Variants in DOCK3 observed in about 807,000 individuals in gnomAD.
The protein encoded by DOCK3 is dedicator of cytokinesis protein 3.
In DOCK3, 60 loss-of-function variants were observed where a neutral mutation model predicts 265.6. The ratio of observed to expected loss-of-function variants is 0.23; its 90% CI spans 0.18 to 0.28. The LOEUF (loss-of-function observed/expected upper bound fraction) is 0.28. Ranked by LOEUF, DOCK3 falls within the 10% of genes least tolerant of loss-of-function variation. The probability of loss-of-function intolerance (pLI) is 1.00; values close to 1 mark genes in which losing one functional copy is unlikely to be tolerated. For missense variants in DOCK3, 1,981 were observed against 2,594.3 expected (o/e 0.76, Z 5.14); for synonymous variants, 881 against 938.0 (o/e 0.94, Z 1.11).
At chr3:50,852,326 C>T (rs1445537738) in intron 3 of DOCK3, among the ~76,000 whole-genome samples, 1 of 152,160 alleles carries the variant, frequency 6.6e-6, no homozygotes, top group African/African-American at 2.4e-5. Context: ...CTGAATTCTT[C>T]ATTCTAAATA....
intron 40 of DOCK3, among the ~76,000 whole-genome samples, chr3:51,350,786 T>TAC (rs2085924992): frequency 1.3e-5 from 2 of 152,230 alleles, no homozygotes; most frequent in South Asian, 4.1e-4. Context: ...GACTGGCCTC[T>TAC]TAGGGTTTGT....
chr3:51,138,046 G>A lies in DOCK3; in HGVS notation c.747-8503G>A, dbSNP rs1036199503. ...CAACTATGTTTCTACAGACTCCATT[G>A]CCTTACACAAAAGTGGGTTGTGGGG... On this transcript the variant is annotated intron_variant, in intron 9 of 52. Coordinates refer to ENST00000266037, the MANE Select transcript of DOCK3 (RefSeq NM_004947.5). Among the ~76,000 whole-genome samples the A allele has an allele frequency of 2.6e-5, 4 of 152,256 alleles. No individual in the cohort carries two copies. In the South Asian group the frequency reaches 8.3e-4, roughly 32 times the overall value.
At chr3:50,968,962 G>A (rs1203750964) in intron 5 of DOCK3, among the ~76,000 whole-genome samples, 1 of 152,150 alleles carries the variant, frequency 6.6e-6, no homozygotes, top group African/African-American at 2.4e-5. Context: ...TGTGGTTATT[G>A]GGTAGAGTGT....
At chr3:50,727,925 GT>G (rs1172524129) in intron 1 of DOCK3, among the ~76,000 whole-genome samples, 1 of 152,056 alleles carries the variant, frequency 6.6e-6, no homozygotes, top group Non-Finnish European at 1.5e-5. Context: ...TCTCAGTAAG[GT>G]TTTAGTAGAT....
chr3:51,011,487 G>A (rs985172398), intron 5 of DOCK3, among the ~76,000 whole-genome samples: 8 of 152,060 alleles, frequency 5.3e-5, no homozygotes, highest in African/African-American at 1.7e-4. Context: ...GGTCGTTTAA[G>A]GATTTCTCTA....
intron 5 of DOCK3, among the ~76,000 whole-genome samples, chr3:51,004,992 CTTA>C (rs2078627825): frequency 6.6e-6 from 1 of 150,434 alleles, no homozygotes; most frequent in Non-Finnish European, 1.5e-5. Flanking sequence ...GCAACTAAGT[CTTA>C]TTATTTCTTG....
intron 1 of DOCK3, among the ~76,000 whole-genome samples, chr3:50,765,074 T>G (rs991021832): frequency 3.1e-4 from 2 of 6,462 alleles, no homozygotes; most frequent in Non-Finnish European, 1.9e-3. Flanking sequence ...TTTCTTAGGT[T>G]TTTTTTTTTT....
intron 51 of DOCK3, among the ~76,000 whole-genome samples, chr3:51,377,451 C>T (rs1476305515): frequency 6.6e-6 from 1 of 152,170 alleles, no homozygotes; most frequent in Non-Finnish European, 1.5e-5. Context: ...CTCTTTTTGC[C>T]GTGCAGTGAC....
At chr3:50,993,616 A>G (rs1453159823) in intron 5 of DOCK3, among the ~76,000 whole-genome samples, 1 of 152,150 alleles carries the variant, frequency 6.6e-6, no homozygotes, top group Non-Finnish European at 1.5e-5. Flanking sequence ...AATCCATATG[A>G]ACTCACCATC....
chr3:50,702,362 A>G (rs183377343), intron 1 of DOCK3, among the ~76,000 whole-genome samples: 27 of 150,864 alleles, frequency 1.8e-4, no homozygotes, highest in Admixed American at 1.1e-3. Flanking sequence ...TAGAAATGCT[A>G]CTGATTTTTT....
intron 5 of DOCK3, among the ~76,000 whole-genome samples, chr3:50,940,642 A>G (rs181191972): frequency 6.6e-6 from 1 of 152,284 alleles, no homozygotes; most frequent in Non-Finnish European, 1.5e-5. Context: ...ACAATTTTGA[A>G]AAGAATAATA....
In DOCK3 at chr3:50,788,203, C is replaced by T. The variant is rs868271115; in HGVS notation, c.121+9445C>T. ...AAAGCTGGATGGCACTTGCCCATGA[C>T]GGCTATCATCTTGTGCCATTCCTGC... On this transcript the variant is annotated intron_variant, in intron 2 of 52. Coordinates refer to ENST00000266037, the MANE Select transcript of DOCK3 (RefSeq NM_004947.5). 3.2e-4 allele frequency: 247 copies of T among 769,034 alleles called. 3 individuals are homozygous for T. The Middle Eastern group carries it at 0.01, about 32-fold the overall frequency. The allele number at this position is 769,034 out of a possible 1,614,324, so 47.6% of individuals were successfully genotyped here. A position where few individuals can be genotyped will look rare whatever the true frequency, so the allele number is the denominator to read the frequency against.
intron 9 of DOCK3, among the ~76,000 whole-genome samples, chr3:51,113,649 G>A (rs934024492): frequency 6.6e-6 from 1 of 152,128 alleles, no homozygotes; most frequent in Non-Finnish European, 1.5e-5. Context: ...TCACATAGAT[G>A]TCTCCATCAG....
intron 10 of DOCK3, among the ~76,000 whole-genome samples, chr3:51,150,223 T>C (rs2085512479): frequency 6.6e-6 from 1 of 152,164 alleles, no homozygotes; most frequent in Non-Finnish European, 1.5e-5. Context: ...ATTTGTTTCT[T>C]CTCTCTTTTC....
intron 9 of DOCK3, among the ~76,000 whole-genome samples, chr3:51,122,820 A>G (rs2084088515): frequency 6.6e-6 from 1 of 152,238 alleles, no homozygotes; most frequent in South Asian, 2.1e-4. Context: ...TGCAGGATTT[A>G]TGGATATATG....
chr3:51,260,339 C>T lies in DOCK3; in HGVS notation c.2355+13C>T. On this transcript the variant is annotated intron_variant, in intron 23 of 52. Transcript: ENST00000266037. ...CCTTTTTACTCAGGTTCGCACACTG[C>T]AGGGAAGCTTTGATGCTGGGTTCCT... 1 of 1,594,728 alleles carries T rather than the reference C, an allele frequency of 6.3e-7. No homozygotes were observed.
chr3:51,300,907 G>A (rs887871415), intron 27 of DOCK3, among the ~76,000 whole-genome samples: 3 of 152,160 alleles, frequency 2.0e-5, no homozygotes, highest in African/African-American at 4.8e-5. Context: ...TCAGGATGAT[G>A]CTGGCCTCAT....
At position 50,970,919 on chromosome 3, in the gene DOCK3, A is replaced by AATGTG. The variant is rs1559878486; in HGVS notation, c.315+36842_315+36843insATGTG. Among the ~76,000 whole-genome samples, 675 of 71,648 alleles carry AATGTG rather than the reference A, an allele frequency of 9.4e-3. 68 individuals are homozygous for AATGTG. The highest frequency in any genetic ancestry group is 0.033 in the African/African-American group (628 of 18,944). 47.0% of individuals were successfully genotyped at this position (71,648 alleles called of 152,430 possible). ...TATATATATATATATATATATATATATATATATATATATATATATATATAT... is the reference window on the plus strand; with the variant it reads ...TATATATATATATATATATATATATAATGTGTATATATATATATATATATATATAT... On this transcript the variant is annotated intron_variant, in intron 5 of 52. Coordinates refer to ENST00000266037, the MANE Select transcript of DOCK3 (RefSeq NM_004947.5).
At chr3:51,348,230 G>A (rs924208860) in intron 38 of DOCK3, among the ~76,000 whole-genome samples, 5 of 152,158 alleles carry the variant, frequency 3.3e-5, no homozygotes, top group Non-Finnish European at 5.9e-5. Context: ...ACCACAGAAA[G>A]CCTGGAATCT....
Sources: allele counts gnomAD v4.1 joint callset (sites outside exome capture counted in the v4.1 genomes callset), GRCh38; gene constraint gnomAD v4.1.1; transcripts MANE v1.5; gene names NCBI Gene and HGNC (gene_info 2026-07-23, HGNC 2026-07-21).